SLC6A9: variants seen among roughly 807,000 people sequenced by gnomAD.
The protein encoded by SLC6A9 is sodium- and chloride-dependent glycine transporter 1.
In SLC6A9, 31 loss-of-function variants were observed where a neutral mutation model predicts 70.9. The observed-to-expected ratio is 0.44, with a 90% CI of 0.33 to 0.59. SLC6A9 has a LOEUF of 0.59. Among genes scored for constraint, SLC6A9 ranks in the 20% least tolerant of loss-of-function variants. SLC6A9 has a pLI of 0.04. For missense variants in SLC6A9, 631 were observed against 845.2 expected, an observed-to-expected ratio of 0.75 and a Z score of 3.14; for synonymous variants, 310 against 341.3, an observed-to-expected ratio of 0.91 and a Z score of 1.01.
intron 2 of SLC6A9, among the ~76,000 whole-genome samples, chr1:44,019,286 T>C (rs753704793): frequency 4.6e-5 from 7 of 152,222 alleles, no homozygotes; most frequent in South Asian, 2.1e-4. Flanking sequence ...TCTTAACTCA[T>C]TGGGTCCTCC....
chr1:44,010,132 C>CT, intron 3 of SLC6A9, 36 bp from the exon 4 acceptor site: 1 of 1,610,942 alleles, frequency 6.2e-7, no homozygotes, highest in Non-Finnish European at 8.5e-7. Context: ...CAGGAGTGGG[C>CT]TTGGAGGGAT....
chr1:44,003,034 A>G, intron 5 of SLC6A9, 49 bp from the exon 6 acceptor site: 1 of 1,610,262 alleles, frequency 6.2e-7, no homozygotes, highest in Non-Finnish European at 8.5e-7. Context: ...GCTGCCCAGC[A>G]ACAAATTCCC....
At chr1:44,026,128 G>T (rs2154307667) in intron 1 of SLC6A9, among the ~76,000 whole-genome samples, 1 of 152,366 alleles carries the variant, frequency 6.6e-6, no homozygotes, top group Non-Finnish European at 1.5e-5. Flanking sequence ...ACCCAGGCTG[G>T]CCTGTGGCTC....
intron 2 of SLC6A9, among the ~76,000 whole-genome samples, chr1:44,020,562 C>T (rs2086862411): frequency 6.6e-6 from 1 of 152,216 alleles, no homozygotes; most frequent in African/African-American, 2.4e-5. Flanking sequence ...TGAGCATTTG[C>T]CACACGCTAA....
intron 1 of SLC6A9, among the ~76,000 whole-genome samples, chr1:44,030,996 C>T (rs1326347189): frequency 1.3e-5 from 2 of 151,960 alleles, no homozygotes; most frequent in African/African-American, 4.8e-5. Context: ...TGGCGCCCCC[C>T]CGCCACCCCA....
chr1:44,024,864 C>T (rs2086952743), intron 1 of SLC6A9, among the ~76,000 whole-genome samples: 1 of 152,232 alleles, frequency 6.6e-6, no homozygotes, highest in Non-Finnish European at 1.5e-5. Context: ...CTGCCACACA[C>T]CCATGTGCAG....
chr1:44,022,059 C>T (rs886360372), intron 2 of SLC6A9, among the ~76,000 whole-genome samples: 1 of 152,234 alleles, frequency 6.6e-6, no homozygotes, highest in Admixed American at 6.5e-5. Context: ...GGGAGGAGAG[C>T]GAGCCCCAGC....
chr1:44,025,897 C>T (rs2086974582), intron 1 of SLC6A9, among the ~76,000 whole-genome samples: 1 of 152,232 alleles, frequency 6.6e-6, no homozygotes, highest in South Asian at 2.1e-4. Flanking sequence ...GGAGTCAACT[C>T]TGTTCCCAAG....
At chr1:44,011,627 C>G in intron 2 of SLC6A9, 3 of 1,614,022 alleles carry the variant, frequency 1.9e-6, no homozygotes, top group Non-Finnish European at 2.5e-6. Context: ...AGGCCCCATG[C>G]CAGACTTTGA....
intron 3 of SLC6A9, 152 bp downstream of exon 3, chr1:44,010,574 A>T: frequency 1.4e-6 from 1 of 691,044 alleles, no homozygotes; most frequent in Non-Finnish European, 2.4e-6. Context: ...CCTTAGGCAA[A>T]GGGTGCCTAA....
intron 8 of SLC6A9, among the ~76,000 whole-genome samples, 178 bp from the exon 9 acceptor site, chr1:44,001,805 G>A (rs898341869): frequency 6.6e-6 from 1 of 152,088 alleles, no homozygotes; most frequent in Non-Finnish European, 1.5e-5. Flanking sequence ...ACAGCTAACT[G>A]TAGCCTTGAC....
At chr1:43,998,197 G>A (rs2085949388) in intron 12 of SLC6A9, among the ~76,000 whole-genome samples, 172 bp from the exon 13 acceptor site, 1 of 152,128 alleles carries the variant, frequency 6.6e-6, no homozygotes, top group Non-Finnish European at 1.5e-5. Flanking sequence ...GGCAGGGCCG[G>A]GGGCCGGAGC....
intron 5 of SLC6A9, among the ~76,000 whole-genome samples, chr1:44,005,864 A>C (rs1227526946): frequency 6.6e-6 from 1 of 152,224 alleles, no homozygotes; most frequent in Non-Finnish European, 1.5e-5. Context: ...CCGGGAAGGT[A>C]TCCCGCATGG....
At chr1:43,998,567 A>G (rs2085969198) in intron 12 of SLC6A9, among the ~76,000 whole-genome samples, 1 of 152,174 alleles carries the variant, frequency 6.6e-6, no homozygotes, top group South Asian at 2.1e-4. Context: ...TTCCTTCTGC[A>G]GGGCCTCCCC....
Position 44,010,023 on chromosome 1 carries a change from G to A in SLC6A9, c.261C>T (p.Phe87=), listed in dbSNP as rs140834307. ...GIPLFFMELS[F]GQFASQGCLG... is the part of the protein sequence containing the mutation. ...GGCACCCCTGGCTTGCAAACTGGCC[G>A]AAGGAGAGCTCCATGAAGAAGAGGG... The change falls in exon 4 of 14, where the codon TTC becomes TTT. Residue 87 remains phenylalanine (F), a synonymous_variant. Transcript: ENST00000372310. 22 of 1,614,008 alleles carry A rather than the reference G, an allele frequency of 1.4e-5. No homozygotes were observed. Among genetic ancestry groups the A allele is most frequent in the South Asian group, 9.9e-5 (9 of 91,092 alleles).
chr1:44,001,983 G>A (rs541127783), intron 8 of SLC6A9, among the ~76,000 whole-genome samples: 2 of 152,170 alleles, frequency 1.3e-5, no homozygotes, highest in East Asian at 1.9e-4. Flanking sequence ...TGATCCTCCC[G>A]CCTTGGCCTC....
rs772707347 is a variant in SLC6A9 at position 44,017,000 on chromosome 1, CT to C, written c.31-6119del. On this transcript the variant is annotated intron_variant, in intron 2 of 13. Coordinates refer to ENST00000372310, the MANE Select transcript of SLC6A9 (RefSeq NM_001024845.3). ...CCCATCCGCAGCCCAGCCTCTCAGC[CT>C]GCCTGGCACCAAGGAGGGGGCTCAA... The C allele has an allele frequency of 2.6e-6, 4 of 1,546,500 alleles. No individual in the cohort carries two copies. In the South Asian group the frequency reaches 4.9e-5, roughly 19 times the overall value.
chr1:44,018,714 G>C lies in SLC6A9; in HGVS notation c.30+5534C>G, dbSNP rs1220199029. Among the ~76,000 whole-genome samples, 1 of 151,958 alleles carries C rather than the reference G, an allele frequency of 6.6e-6. No individual in the cohort carries two copies. Among genetic ancestry groups the C allele is most frequent in the Admixed American group, 6.6e-5 (1 of 15,258 alleles). ...GTGCTTTGGGAAGCCAAGGCAGGAG[G>C]GTCGCTTGAGGTCAGGAGTTCATGA... On this transcript the variant is annotated intron_variant, in intron 2 of 13. Transcript: ENST00000372310. This position sits in a 1 kb window ranked among gnomAD's most constrained non-coding sequence, Gnocchi z 4.2.
At chr1:44,030,637 C>G (rs970062142) in intron 1 of SLC6A9, 1 of 152,386 alleles carries the variant, frequency 6.6e-6, no homozygotes, top group Non-Finnish European at 1.5e-5. Context: ...CGCTCGCAGT[C>G]CCTTCCCAAA....
Sources: gnomAD v4.1 joint callset for allele counts (sites outside exome capture counted in the v4.1 genomes callset) on GRCh38, gnomAD v4.1.1 for gene constraint, Gnocchi (gnomAD v3.1) non-coding constraint, MANE v1.5 for transcripts, NCBI Gene and HGNC (gene_info 2026-07-23, HGNC 2026-07-21) for gene names.